SLCO3A1: variants seen among roughly 807,000 people sequenced by gnomAD.
The protein encoded by SLCO3A1 is solute carrier organic anion transporter family member 3A1, also known as PGE1 transporter.
A neutral mutation model predicts 63.1 loss-of-function variants in SLCO3A1; 27 were observed. The observed-to-expected ratio is 0.43, with a 90% CI of 0.32 to 0.59. The LOEUF (loss-of-function observed/expected upper bound fraction) is 0.59, where lower values mean the gene tolerates loss of function less well. SLCO3A1 is among the 20% of genes least tolerant of loss of function. The pLI is 0.09. For missense variants in SLCO3A1, 773 were observed against 945.8 expected (o/e 0.82, Z 2.40); for synonymous variants, 473 against 409.9 (o/e 1.15, Z -1.86).
At chr15:92,121,672 G>A (rs1018755429) in intron 5 of SLCO3A1, among the ~76,000 whole-genome samples, 2 of 152,050 alleles carry the variant, frequency 1.3e-5, no homozygotes, top group African/African-American at 4.8e-5. Context: ...ATTTACGTAG[G>A]AAAAAATGTG....
At chr15:91,871,558 A>C (rs1017181589) in intron 1 of SLCO3A1, among the ~76,000 whole-genome samples, 12 of 152,196 alleles carry the variant, frequency 7.9e-5, no homozygotes, top group African/African-American at 2.9e-4. Flanking sequence ...AAGAGAATAT[A>C]GGGATAACTA....
intron 2 of SLCO3A1, among the ~76,000 whole-genome samples, chr15:92,091,856 C>G (rs1018624001): frequency 6.6e-6 from 1 of 152,252 alleles, no homozygotes; most frequent in Non-Finnish European, 1.5e-5. Context: ...CTTTGTTCAG[C>G]TGAAACCCAG....
At chr15:91,965,220 A>G (rs751378885) in intron 2 of SLCO3A1, among the ~76,000 whole-genome samples, 1 of 152,190 alleles carries the variant, frequency 6.6e-6, no homozygotes, top group Non-Finnish European at 1.5e-5. Context: ...ACGCATATGC[A>G]GACCCCTCTC....
intron 7 of SLCO3A1, among the ~76,000 whole-genome samples, chr15:92,136,619 T>C (rs1457232905): frequency 2.0e-5 from 3 of 152,218 alleles, no homozygotes; most frequent in African/African-American, 4.8e-5. Context: ...GATGTGCTAT[T>C]CTTTCATTGA....
chr15:91,919,727 G>A (rs55879752), intron 2 of SLCO3A1, among the ~76,000 whole-genome samples: 12,989 of 151,880 alleles, frequency 0.086, 630 homozygotes, highest in Non-Finnish European at 0.099. Context: ...GATGGAATGG[G>A]CTTACTGTGC....
At chr15:92,171,740 T>A (rs1404722770) in intron 10 of SLCO3A1, 33 of 1,407,554 alleles carry the variant, frequency 2.3e-5, no homozygotes, top group Non-Finnish European at 3.1e-5. Flanking sequence ...AAGACCGATC[T>A]CTTTTTCCTC....
At chr15:92,102,934 C>G (rs2047624062) in intron 3 of SLCO3A1, among the ~76,000 whole-genome samples, 1 of 152,204 alleles carries the variant, frequency 6.6e-6, no homozygotes, top group Non-Finnish European at 1.5e-5. Flanking sequence ...TTCTAAGCCT[C>G]AGTTACTCCA....
chr15:92,151,533 A>G (rs1447314572), intron 9 of SLCO3A1, among the ~76,000 whole-genome samples: 4 of 152,098 alleles, frequency 2.6e-5, no homozygotes, highest in African/African-American at 9.7e-5. Flanking sequence ...GTATGGAAAG[A>G]AGGAAGAAAG....
At chr15:92,111,214 G>A (rs1164915796) in intron 4 of SLCO3A1, among the ~76,000 whole-genome samples, 1 of 152,122 alleles carries the variant, frequency 6.6e-6, no homozygotes, top group Non-Finnish European at 1.5e-5. Context: ...GCTCAGGCCT[G>A]GCCACAGGAC....
At chr15:91,907,412 T>G (rs1053599511) in intron 1 of SLCO3A1, among the ~76,000 whole-genome samples, 19 of 151,672 alleles carry the variant, frequency 1.3e-4, no homozygotes, top group African/African-American at 3.4e-4. Context: ...CACCATGTTG[T>G]CCAGGCTGGT....
chr15:92,134,746 C>A (rs2048035655), intron 7 of SLCO3A1, among the ~76,000 whole-genome samples: 1 of 152,146 alleles, frequency 6.6e-6, no homozygotes, highest in East Asian at 1.9e-4. Context: ...CAATGAGGAA[C>A]AGATTTTTTT....
intron 9 of SLCO3A1, among the ~76,000 whole-genome samples, chr15:92,155,638 C>T (rs1385822286): frequency 6.6e-6 from 1 of 152,108 alleles, no homozygotes; most frequent in Non-Finnish European, 1.5e-5. Context: ...CCATCAAAAG[C>T]ATTGAAGTGA....
intron 2 of SLCO3A1, among the ~76,000 whole-genome samples, chr15:92,035,261 C>A (rs1463592551): frequency 6.6e-5 from 10 of 151,768 alleles, no homozygotes. Context: ...CAAAATTGCT[C>A]TGTGCTGTAT....
chr15:92,114,072 G>C (rs965206735), intron 4 of SLCO3A1, among the ~76,000 whole-genome samples: 1 of 152,090 alleles, frequency 6.6e-6, no homozygotes, highest in Non-Finnish European at 1.5e-5. Context: ...ATCTCCCCTG[G>C]GGGCCAACAG....
intron 2 of SLCO3A1, among the ~76,000 whole-genome samples, chr15:92,045,758 T>G (rs2046853915): frequency 6.6e-6 from 1 of 152,228 alleles, no homozygotes; most frequent in Non-Finnish European, 1.5e-5. Flanking sequence ...ATTGAGCTAC[T>G]GCGGAGTGCC....
chr15:92,127,328 C>T (rs1405309308), intron 6 of SLCO3A1, among the ~76,000 whole-genome samples: 1 of 151,540 alleles, frequency 6.6e-6, no homozygotes, highest in Non-Finnish European at 1.5e-5. Context: ...ACTATAATGA[C>T]GTTATTCTTC....
intron 2 of SLCO3A1, among the ~76,000 whole-genome samples, chr15:91,920,828 A>G (rs1333698198): frequency 6.6e-6 from 1 of 152,168 alleles, no homozygotes; most frequent in Non-Finnish European, 1.5e-5. Context: ...TGGCTCCCCA[A>G]ATAGTTGAGC....
chr15:92,029,867 A>G (rs570048920), intron 2 of SLCO3A1, among the ~76,000 whole-genome samples: 10 of 142,242 alleles, frequency 7.0e-5, no homozygotes, highest in South Asian at 7.0e-4. Flanking sequence ...TAAAAGATCT[A>G]TGATTCAATC....
chr15:91,933,766 G>A (rs1383328288), intron 2 of SLCO3A1, among the ~76,000 whole-genome samples: 1 of 152,230 alleles, frequency 6.6e-6, no homozygotes, highest in Non-Finnish European at 1.5e-5. Flanking sequence ...GAGGCACAGA[G>A]AGGTTGGGTA....
Sources: allele counts gnomAD v4.1 joint callset (sites outside exome capture counted in the v4.1 genomes callset), GRCh38; gene constraint gnomAD v4.1.1; transcripts MANE v1.5; gene names NCBI Gene and HGNC (gene_info 2026-07-23, HGNC 2026-07-21).